Variants in KIAA0513 observed in about 807,000 individuals in gnomAD.
KIAA0513 encodes the protein KIAA0513, also known as uncharacterized protein KIAA0513.
A neutral mutation model predicts 56.5 loss-of-function variants in KIAA0513; 39 were observed. The observed-to-expected ratio is 0.69, with a 90% CI of 0.53 to 0.90. The LOEUF (loss-of-function observed/expected upper bound fraction) is 0.90. Ranked by LOEUF, KIAA0513 falls within the 40% of genes least tolerant of loss-of-function variation. The pLI is 0.00. For synonymous variants in KIAA0513, 268 were observed against 215.6 expected (o/e 1.24, Z -2.13); for missense variants, 591 against 535.2 (o/e 1.10, Z -1.03).
At chr16:85,058,118 C>T (rs1000365686) in intron 1 of KIAA0513, among the ~76,000 whole-genome samples, 3 of 152,196 alleles carry the variant, frequency 2.0e-5, no homozygotes, top group Non-Finnish European at 4.4e-5. Context: ...AAATCAGAAC[C>T]TCGGCACTTC....
At chr16:85,044,685 TTA>T (rs890787528) in intron 1 of KIAA0513, among the ~76,000 whole-genome samples, 7 of 152,044 alleles carry the variant, frequency 4.6e-5, no homozygotes, top group African/African-American at 1.4e-4. Context: ...TTCTGTGCTT[TTA>T]GTAGAGACGG....
rs944441814 is a variant in KIAA0513 at position 85,089,193 on chromosome 16, T to G, written c.*868T>G. 8 of 152,258 alleles carry G rather than the reference T, an allele frequency of 5.3e-5. No homozygotes were observed. Among genetic ancestry groups the G allele is most frequent in the Non-Finnish European group, 1.2e-4 (8 of 68,072 alleles). The allele number at this position is 152,258 out of a possible 1,614,324, so 9.4% of individuals were successfully genotyped here. A position where few individuals can be genotyped will look rare whatever the true frequency, so the allele number is the denominator to read the frequency against. On this transcript the variant is annotated 3_prime_UTR_variant, in exon 13 of 13. Transcript: ENST00000683363. The surrounding 1 kb of genome is among the most constrained non-coding windows in gnomAD (Gnocchi z 4.2). ...GAAGCACAGGAAAGAGAAGTTTCTTTAGTAGCCACTAGACAACCACCCTTT... is the reference window on the plus strand; with the variant it reads ...GAAGCACAGGAAAGAGAAGTTTCTTGAGTAGCCACTAGACAACCACCCTTT...
chr16:85,045,465 C>T (rs1025451082), intron 1 of KIAA0513, among the ~76,000 whole-genome samples: 1 of 152,190 alleles, frequency 6.6e-6, no homozygotes, highest in Non-Finnish European at 1.5e-5. Flanking sequence ...AAGTGATTCT[C>T]CTGCCTCAGC....
intron 1 of KIAA0513, among the ~76,000 whole-genome samples, chr16:85,049,057 G>A (rs1289222090): frequency 6.6e-6 from 1 of 152,242 alleles, no homozygotes; most frequent in African/African-American, 2.4e-5. Context: ...GCTTCTGTGA[G>A]GTTGCTTTGC....
At chr16:85,030,271 T>C (rs1026333534) in intron 1 of KIAA0513, among the ~76,000 whole-genome samples, 2 of 152,204 alleles carry the variant, frequency 1.3e-5, no homozygotes, top group African/African-American at 4.8e-5. Context: ...TGTCTTCAGC[T>C]GTGTGAGGCA....
intron 1 of KIAA0513, among the ~76,000 whole-genome samples, chr16:85,050,677 C>G (rs1199566073): frequency 6.6e-6 from 1 of 152,180 alleles, no homozygotes; most frequent in African/African-American, 2.4e-5. Flanking sequence ...TGGGGGCTGA[C>G]TCACCCCTTG....
chr16:85,069,013 A>G (rs2073532033), intron 2 of KIAA0513, among the ~76,000 whole-genome samples: 2 of 152,014 alleles, frequency 1.3e-5, no homozygotes, highest in Admixed American at 1.3e-4. Context: ...GGTTAGCCAT[A>G]CTGGTGTGCT....
Position 85,086,634 on chromosome 16 carries a change from G to C in KIAA0513, c.1011-10G>C. On this transcript the variant is annotated splice_polypyrimidine_tract_variant and intron_variant, in intron 10 of 12. Coordinates refer to ENST00000683363, the MANE Select transcript of KIAA0513 (RefSeq NM_001388359.1). ...CTGAGCCCCGCTTCTGTCACCTCCT[G>C]TGCTTGCAGGGAGAAGTGGTGCCAC... 1 of 1,613,252 alleles carries C rather than the reference G, an allele frequency of 6.2e-7. No individual in the cohort carries two copies. Among genetic ancestry groups the C allele is most frequent in the South Asian group, 1.1e-5 (1 of 90,956 alleles).
chr16:85,077,290 CT>C, intron 5 of KIAA0513, 134 bp from the exon 6 acceptor site: 1 of 777,624 alleles, frequency 1.3e-6, no homozygotes, highest in South Asian at 1.8e-5. Context: ...GCACCACCCC[CT>C]GTCCTCGGCT....
Position 85,032,884 on chromosome 16 carries a change from C to G in KIAA0513, c.-173+5026C>G, listed in dbSNP as rs62048418. ...TGACCTCATGATCCGCCTACCTGGG[C>G]CTCCCAAAGTGCTGGGATTACAGGC... On this transcript the variant is annotated intron_variant, in intron 1 of 12. Transcript: ENST00000683363. 7.9e-5 allele frequency among the ~76,000 whole-genome samples: 12 copies of G among 152,248 alleles called. No homozygotes were observed. In the South Asian group the frequency reaches 2.1e-3, roughly 26 times the overall value.
intron 1 of KIAA0513, among the ~76,000 whole-genome samples, chr16:85,048,222 C>T (rs1361129962): frequency 6.6e-6 from 1 of 152,182 alleles, no homozygotes; most frequent in Non-Finnish European, 1.5e-5. Context: ...CCATGTGCAC[C>T]TTGCAGAGGG....
At chr16:85,080,533 C>G (rs558047728) in intron 8 of KIAA0513, among the ~76,000 whole-genome samples, 1 of 152,346 alleles carries the variant, frequency 6.6e-6, no homozygotes, top group South Asian at 2.1e-4. Context: ...GTGGCTCATG[C>G]CTGCAATCCC....
intron 2 of KIAA0513, 151 bp from the exon 3 acceptor site, chr16:85,071,631 GC>G: frequency 1.6e-6 from 1 of 621,340 alleles, no homozygotes. Flanking sequence ...TCATGGGACC[GC>G]CCGGAGGCTG....
chr16:85,068,158 C>T (rs1213153274), intron 2 of KIAA0513, among the ~76,000 whole-genome samples: 14 of 147,704 alleles, frequency 9.5e-5, no homozygotes, highest in Non-Finnish European at 1.9e-4. Flanking sequence ...TTTATCCACG[C>T]ATTCTTTTTT....
At chr16:85,072,357 A>T (rs1418412809) in intron 3 of KIAA0513, among the ~76,000 whole-genome samples, 4 of 152,188 alleles carry the variant, frequency 2.6e-5, no homozygotes, top group African/African-American at 9.7e-5. Flanking sequence ...ATTTTTATTA[A>T]CCCATAATAC....
intron 1 of KIAA0513, among the ~76,000 whole-genome samples, chr16:85,036,608 T>C (rs377685576): frequency 2.6e-5 from 4 of 152,230 alleles, no homozygotes; most frequent in Non-Finnish European, 4.4e-5. Flanking sequence ...GAGCCTTTGA[T>C]TGTGGGGTGG....
chr16:85,049,376 G>A (rs570571297), intron 1 of KIAA0513, among the ~76,000 whole-genome samples: 27 of 152,338 alleles, frequency 1.8e-4, no homozygotes, highest in Non-Finnish European at 3.1e-4. Flanking sequence ...GTGGAGGTTG[G>A]TTCCGTTCCA....
chr16:85,029,722 G>A (rs986086255), intron 1 of KIAA0513, among the ~76,000 whole-genome samples: 2 of 152,218 alleles, frequency 1.3e-5, no homozygotes, highest in Non-Finnish European at 2.9e-5. Context: ...TTTAAAAAAA[G>A]TCCTGAGAAG....
At position 85,093,004 on chromosome 16, in the gene KIAA0513, A is replaced by G. The variant is rs1298072920; in HGVS notation, c.*4679A>G. 6.6e-6 allele frequency: 1 copy of G among 152,298 alleles called. No individual in the cohort carries two copies. The highest frequency in any genetic ancestry group is 1.9e-4 in the East Asian group (1 of 5,170). The allele number at this position is 152,298 out of a possible 1,614,324, so 9.4% of individuals were successfully genotyped here. A position where few individuals can be genotyped will look rare whatever the true frequency, so the allele number is the denominator to read the frequency against. On this transcript the variant is annotated 3_prime_UTR_variant, in exon 13 of 13. Coordinates refer to ENST00000683363, the MANE Select transcript of KIAA0513 (RefSeq NM_001388359.1). ...CCTTCTGCGCCTCAGTCCCCCGTGC[A>G]TCCCTGGGCCTGGGTATCACATGCT...
Sources: allele counts gnomAD v4.1 joint callset (sites outside exome capture counted in the v4.1 genomes callset), GRCh38; gene constraint gnomAD v4.1.1; non-coding constraint Gnocchi (gnomAD v3.1); transcripts MANE v1.5; gene names NCBI Gene and HGNC (gene_info 2026-07-23, HGNC 2026-07-21).